The following AJAP1 variants were observed in gnomAD, a reference collection of about 807,000 sequenced individuals.
The protein encoded by AJAP1 is adherens junction-associated protein 1.
Under a neutral mutation model 35.0 loss-of-function variants are expected in AJAP1, and 5 were observed. The ratio of observed to expected loss-of-function variants is 0.14; its 90% CI spans 0.07 to 0.30. AJAP1 has a LOEUF of 0.30. AJAP1 is among the 10% of genes least tolerant of loss of function. AJAP1 has a pLI of 1.00. For synonymous variants in AJAP1, 284 were observed against 249.3 expected (o/e 1.14, Z -1.31); for missense variants, 586 against 571.0 (o/e 1.03, Z -0.27).
chr1:4,728,822 G>A (rs1381380497), intron 2 of AJAP1, among the ~76,000 whole-genome samples: 1 of 152,170 alleles, frequency 6.6e-6, no homozygotes, highest in Non-Finnish European at 1.5e-5. Flanking sequence ...TGGGCCTGGG[G>A]CTCACTTAGT....
chr1:4,744,952 C>T (rs942479371), intron 2 of AJAP1, among the ~76,000 whole-genome samples: 1 of 152,124 alleles, frequency 6.6e-6, no homozygotes, highest in Middle Eastern at 3.4e-3. Flanking sequence ...CTGGGAGGCT[C>T]CTGAGGGGCC....
chr1:4,684,200 G>A lies in AJAP1; in HGVS notation c.30-27700G>A, dbSNP rs549834134. On this transcript the variant is annotated intron_variant, in intron 1 of 5. Coordinates refer to ENST00000378191, the MANE Select transcript of AJAP1 (RefSeq NM_018836.4). ...CTGTCTGCATGTGCAGGGCGGGAATGCATCCCCAGCTGTTTGGGGGGCAGC... is the reference window on the plus strand; with the variant it reads ...CTGTCTGCATGTGCAGGGCGGGAATACATCCCCAGCTGTTTGGGGGGCAGC... 5.3e-5 allele frequency among the ~76,000 whole-genome samples: 8 copies of A among 152,324 alleles called. No individual in the cohort carries two copies. In the East Asian group the frequency reaches 1.5e-3, roughly 29 times the overall value.
intron 1 of AJAP1, among the ~76,000 whole-genome samples, chr1:4,700,302 C>T (rs1351461465): frequency 6.6e-6 from 1 of 152,136 alleles, no homozygotes; most frequent in Non-Finnish European, 1.5e-5. Flanking sequence ...GGACACTCCT[C>T]AGCTCTTAAC....
chr1:4,675,151 G>T (rs1477063531), intron 1 of AJAP1, among the ~76,000 whole-genome samples: 1 of 152,200 alleles, frequency 6.6e-6, no homozygotes, highest in Non-Finnish European at 1.5e-5. Context: ...TGAGGATAGA[G>T]GGAGTAGTCC....
At chr1:4,774,669 GA>G (rs2100366066) in intron 5 of AJAP1, 111 bp downstream of exon 5, 1 of 622,572 alleles carries the variant, frequency 1.6e-6, no homozygotes, top group Admixed American at 2.9e-5. Context: ...ATGGCGGGTG[GA>G]TTTCCAATGG....
chr1:4,709,533 T>G (rs923410684), intron 1 of AJAP1, among the ~76,000 whole-genome samples: 1 of 152,204 alleles, frequency 6.6e-6, no homozygotes, highest in Non-Finnish European at 1.5e-5. Context: ...GAGCAGCATC[T>G]CATCTTCCTG....
intron 5 of AJAP1, among the ~76,000 whole-genome samples, 156 bp downstream of exon 5, chr1:4,774,714 GC>G (rs1641909236): frequency 6.6e-6 from 1 of 152,048 alleles, no homozygotes. Flanking sequence ...GGCGGGGGGG[GC>G]TGGGCTTTTG....
chr1:4,774,944 CAGCGGCTAGGGAGGCAGGA>C (rs1383195910), intron 5 of AJAP1, among the ~76,000 whole-genome samples: 2 of 152,146 alleles, frequency 1.3e-5, no homozygotes, highest in African/African-American at 4.8e-5. Flanking sequence ...GAGATTAGGA[CAGCGGCTAGGGAGGCAGGA>C]ATCGCACCTC....
rs1428263963 is a variant in AJAP1 at position 4,788,389 on chromosome 1, A to G, written c.*5904A>G. 2.6e-5 allele frequency: 4 copies of G among 152,318 alleles called. No individual in the cohort carries two copies. Among genetic ancestry groups the G allele is most frequent in the Non-Finnish European group, 4.4e-5 (3 of 68,134 alleles). 9.4% of individuals were successfully genotyped at this position (152,318 alleles called of 1,614,324 possible). A position where few individuals can be genotyped will look rare whatever the true frequency, so the allele number is the denominator to read the frequency against. ...ACCACCCCAGCCCTCAGTCGAACAGAAAGAATGAGCGTCTTCTGATGTCAA... is the reference window on the plus strand; with the variant it reads ...ACCACCCCAGCCCTCAGTCGAACAGGAAGAATGAGCGTCTTCTGATGTCAA... On this transcript the variant is annotated 3_prime_UTR_variant, in exon 6 of 6. Transcript: ENST00000378191.
chr1:4,664,590 G>A (rs1211084946), intron 1 of AJAP1, among the ~76,000 whole-genome samples: 1 of 152,126 alleles, frequency 6.6e-6, no homozygotes, highest in South Asian at 2.1e-4. Context: ...CCCTTCTGCC[G>A]GGGTGTCATT....
chr1:4,698,202 A>T (rs1450348030), intron 1 of AJAP1, among the ~76,000 whole-genome samples: 2 of 152,132 alleles, frequency 1.3e-5, no homozygotes, highest in Admixed American at 1.3e-4. Context: ...TTTGCTCGTC[A>T]CCATGAATGT....
intron 2 of AJAP1, among the ~76,000 whole-genome samples, chr1:4,730,132 C>T (rs1640764788): frequency 1.3e-5 from 2 of 152,224 alleles, no homozygotes; most frequent in African/African-American, 4.8e-5. Flanking sequence ...TCGGTATTGC[C>T]TGTGCACCTC....
chr1:4,679,735 A>T (rs1055834405), intron 1 of AJAP1, among the ~76,000 whole-genome samples: 1 of 151,820 alleles, frequency 6.6e-6, no homozygotes, highest in African/African-American at 2.4e-5. Context: ...TCCCATCCAC[A>T]TGTGTCCTTG....
At chr1:4,685,233 C>A (rs1639578183) in intron 1 of AJAP1, among the ~76,000 whole-genome samples, 1 of 152,190 alleles carries the variant, frequency 6.6e-6, no homozygotes, top group African/African-American at 2.4e-5. Context: ...AAGGACATAA[C>A]CTTGGTTCTG....
intron 1 of AJAP1, among the ~76,000 whole-genome samples, chr1:4,709,871 A>C (rs1438667048): frequency 6.6e-6 from 1 of 152,130 alleles, no homozygotes. Context: ...CCTTTTTGGT[A>C]ATTAGCACTC....
rs1219251300 is a variant in AJAP1 at position 4,674,914 on chromosome 1, CAG to C, written c.29+19464_29+19465del. The stretch of plus-strand genomic sequence containing the variant: ...CTTTTTGACATTCAGCGTTTTCAAA[CAG>C]AGATTCTGCACAGGGCGTGAGTCAC... On this transcript the variant is annotated intron_variant, in intron 1 of 5. Coordinates refer to ENST00000378191, the MANE Select transcript of AJAP1 (RefSeq NM_018836.4). 2.0e-4 allele frequency among the ~76,000 whole-genome samples: 31 copies of C among 152,362 alleles called. No homozygotes were observed. In the South Asian group the frequency reaches 6.2e-3, roughly 31 times the overall value.
chr1:4,786,456 T>C lies in AJAP1; in HGVS notation c.*3971T>C, dbSNP rs1288956761. 6.6e-6 allele frequency: 1 copy of C among 152,192 alleles called. No individual in the cohort carries two copies. The highest frequency in any genetic ancestry group is 2.4e-5 in the African/African-American group (1 of 41,432). 9.4% of individuals were successfully genotyped at this position (152,192 alleles called of 1,614,324 possible). A position where few individuals can be genotyped will look rare whatever the true frequency, so the allele number is the denominator to read the frequency against. On this transcript the variant is annotated 3_prime_UTR_variant, in exon 6 of 6. Coordinates refer to ENST00000378191, the MANE Select transcript of AJAP1 (RefSeq NM_018836.4). ...CGTTACTACTAATGTGATCTTACCA[T>C]CTTAATCCTTTCTTTCAAAAATACG...
chr1:4,673,756 T>C (rs1206911015), intron 1 of AJAP1, among the ~76,000 whole-genome samples: 4 of 152,164 alleles, frequency 2.6e-5, no homozygotes, highest in Admixed American at 2.6e-4. Context: ...GGCTCTGGCT[T>C]GGTCAATGAA....
chr1:4,763,407 C>T (rs1427415825), intron 2 of AJAP1, among the ~76,000 whole-genome samples: 3 of 152,154 alleles, frequency 2.0e-5, no homozygotes, highest in African/African-American at 4.8e-5. Flanking sequence ...GAAGGACTTC[C>T]GACGAGAGGA....
Sources: gnomAD v4.1 joint callset for allele counts (sites outside exome capture counted in the v4.1 genomes callset) on GRCh38, gnomAD v4.1.1 for gene constraint, MANE v1.5 for transcripts, NCBI Gene and HGNC (gene_info 2026-07-23, HGNC 2026-07-21) for gene names.